GGT1: variants seen among roughly 807,000 people sequenced by gnomAD.
GGT1 encodes gamma-glutamyltransferase 1.
Under a neutral mutation model 56.0 loss-of-function variants are expected in GGT1, and 21 were observed. That is an observed-to-expected ratio of 0.38 (90% CI 0.27 to 0.54). GGT1 has a LOEUF of 0.54. GGT1 is among the 20% of genes least tolerant of loss of function. The probability of loss-of-function intolerance (pLI) is 0.82; values close to 1 mark genes in which losing one functional copy is unlikely to be tolerated. For missense variants in GGT1, 466 were observed against 787.0 expected, an observed-to-expected ratio of 0.59 and a Z score of 4.88; for synonymous variants, 238 against 342.6, an observed-to-expected ratio of 0.69 and a Z score of 3.37.
intron 1 of GGT1, among the ~76,000 whole-genome samples, chr22:24,597,424 A>G (rs1008736170): frequency 6.6e-6 from 1 of 152,220 alleles, no homozygotes; most frequent in Non-Finnish European, 1.5e-5. Flanking sequence ...CTATAATTCC[A>G]GCACTTTGGG....
At position 24,620,403 on chromosome 22, in the gene GGT1, G is replaced by A. The variant is rs1289453622; in HGVS notation, c.458G>A (p.Trp153Ter). The A allele has an allele frequency of 6.2e-7, 1 of 1,611,292 alleles. No homozygotes were observed. Residue 153 changes from tryptophan (W) to a stop codon, truncating the protein, a stop_gained, in exon 8 of 16, where the codon TGG (tryptophan) becomes TAG (stop). Transcript: ENST00000400382. LOFTEE classifies it high-confidence loss of function. The surrounding 1 kb of genome is among the most constrained non-coding windows in gnomAD (Gnocchi z 5.6). The stretch of plus-strand genomic sequence containing the variant: ...CACCAGCGGCATGGGCGGCTGCCCT[G>A]GGCTCGCCTCTTCCAGCCCAGCATC... ...LAHQRHGRLP[W>*]ARLFQPSIQL... is the part of the protein sequence containing the mutation.
rs548862841 is a variant in GGT1, at chr22:24,606,130, A to G, written c.-428-1824A>G. ...ATAATATATCATATAAATATATTATATATAGTATTATATATATAAAATTAT... is the reference window on the plus strand; with the variant it reads ...ATAATATATCATATAAATATATTATGTATAGTATTATATATATAAAATTAT... On this transcript the variant is annotated intron_variant, in intron 1 of 15. Transcript: ENST00000400382. Among the ~76,000 whole-genome samples the G allele has an allele frequency of 2.9e-3, 384 of 130,856 alleles. 19 individuals are homozygous for G. The highest frequency in any genetic ancestry group is 6.8e-3 in the South Asian group (31 of 4,560). 85.8% of individuals were successfully genotyped at this position (130,856 alleles called of 152,430 possible). A position where few individuals can be genotyped will look rare whatever the true frequency, so the allele number is the denominator to read the frequency against.
chr22:24,601,575 AG>A (rs1244960306), upstream of GGT1, among the ~76,000 whole-genome samples: 1 of 152,184 alleles, frequency 6.6e-6, no homozygotes, highest in Non-Finnish European at 1.5e-5. Flanking sequence ...GGCAGATCCC[AG>A]CCCGTTGAAA....
Position 24,620,668 on chromosome 22 carries a change from G to T in GGT1, c.575+148G>T. ...GAGATACAGACCCTTCCCACCACGT[G>T]TGGGGACACATTCTGAGCGTGGGGT... On this transcript the variant is annotated intron_variant, in intron 8 of 15. Coordinates refer to ENST00000400382, the MANE Select transcript of GGT1 (RefSeq NM_001288833.2). The surrounding 1 kb of genome is among the most constrained non-coding windows in gnomAD (Gnocchi z 5.6). The T allele has an allele frequency of 4.1e-6, 6 of 1,468,178 alleles. No homozygotes were observed. Among genetic ancestry groups the T allele is most frequent in the Non-Finnish European group, 5.4e-6 (6 of 1,108,966 alleles). 90.9% of individuals were successfully genotyped at this position (1,468,178 alleles called of 1,614,324 possible). A position where few individuals can be genotyped will look rare whatever the true frequency, so the allele number is the denominator to read the frequency against.
chr22:24,606,964 C>T (rs2046361627), intron 1 of GGT1, among the ~76,000 whole-genome samples: 1 of 150,358 alleles, frequency 6.7e-6, no homozygotes, highest in African/African-American at 2.5e-5. Flanking sequence ...AGATGAGGGC[C>T]ACAGGGGAAT....
upstream of GGT1, among the ~76,000 whole-genome samples, chr22:24,602,084 G>A (rs1385612379): frequency 6.6e-6 from 1 of 151,938 alleles, no homozygotes; most frequent in African/African-American, 2.4e-5. Context: ...GTCTTAGCTC[G>A]GCCACCTCCT....
In GGT1 at chr22:24,605,022, TC is replaced by T. The variant is rs1328897156; in HGVS notation, c.-429+1496del. On this transcript the variant is annotated intron_variant, in intron 1 of 15. Coordinates refer to ENST00000400382, the MANE Select transcript of GGT1 (RefSeq NM_001288833.2). ...CACCTGCTGCTGTGAATCCTGTATG[TC>T]ATATATATATATAAAATATGTAATA... 7.2e-3 allele frequency among the ~76,000 whole-genome samples: 524 copies of T among 72,712 alleles called. 72 individuals are homozygous for T. The highest frequency in any genetic ancestry group is 0.059 in the African/African-American group (479 of 8,104). 47.7% of individuals were successfully genotyped at this position (72,712 alleles called of 152,430 possible).
the GGT1 span, among the ~76,000 whole-genome samples, chr22:24,586,570 T>C: frequency 6.6e-6 from 1 of 152,238 alleles, no homozygotes; most frequent in African/African-American, 2.4e-5. Flanking sequence ...TCGCTCTTTT[T>C]GTCCAGGCTG....
At chr22:24,622,039 CAAA>C (rs1057143634) in intron 9 of GGT1, among the ~76,000 whole-genome samples, 1 of 105,728 alleles carries the variant, frequency 9.5e-6, no homozygotes, top group African/African-American at 3.5e-5. Context: ...GATTCCATCT[CAAA>C]AAAAAAAAAA....
chr22:24,599,750 G>A (rs1466562566), upstream of GGT1, among the ~76,000 whole-genome samples: 1 of 152,246 alleles, frequency 6.6e-6, no homozygotes, highest in Non-Finnish European at 1.5e-5. Flanking sequence ...TCGTCAGTGA[G>A]AGCATTCCTG....
chr22:24,603,958 T>G (rs1332509926), intron 1 of GGT1, among the ~76,000 whole-genome samples: 1 of 151,956 alleles, frequency 6.6e-6, no homozygotes, highest in Non-Finnish European at 1.5e-5. Flanking sequence ...TAGGGATATA[T>G]ATAGTTCTTT....
At chr22:24,590,008 AC>A, upstream of GGT1, 1 of 1,485,178 alleles carries the variant, frequency 6.7e-7, no homozygotes, top group Non-Finnish European at 9.0e-7. Context: ...TCGAGGCACC[AC>A]CCCAGCCAGC....
the GGT1 span, among the ~76,000 whole-genome samples, chr22:24,585,124 C>T: frequency 6.6e-6 from 1 of 152,164 alleles, no homozygotes; most frequent in Admixed American, 6.5e-5. Flanking sequence ...CAGAGCTGCC[C>T]CTCGCCAAGT....
chr22:24,611,271 G>T lies in GGT1; in HGVS notation c.164+26G>T, dbSNP rs770764424. On this transcript the variant is annotated intron_variant, in intron 5 of 15. Transcript: ENST00000400382. The stretch of plus-strand genomic sequence containing the variant: ...GTGAGCAGGGCAGGGCATGGGACAT[G>T]GGCCCTGAAAACTGGGCAAGTGGAC... 1.2e-5 allele frequency: 18 copies of T among 1,446,320 alleles called. No individual in the cohort carries two copies. The Middle Eastern group carries it at 9.6e-4, about 77-fold the overall frequency. The allele number at this position is 1,446,320 out of a possible 1,614,324, so 89.6% of individuals were successfully genotyped here. A position where few individuals can be genotyped will look rare whatever the true frequency, so the allele number is the denominator to read the frequency against.
chr22:24,628,546 C>T lies in GGT1; in HGVS notation c.1564-147C>T. Reference sequence around the variant, plus strand: ...TGCCATGAGGGCCAAGCCCCCTGCTCCAGTGAGACCCAGCAGGCCCCAACC... The same window carrying T: ...TGCCATGAGGGCCAAGCCCCCTGCTTCAGTGAGACCCAGCAGGCCCCAACC... On this transcript the variant is annotated intron_variant, in intron 15 of 15. Transcript: ENST00000400382. The surrounding 1 kb of genome is among the most constrained non-coding windows in gnomAD (Gnocchi z 5.7). The T allele has an allele frequency of 1.2e-6, 1 of 868,432 alleles. No individual in the cohort carries two copies. The highest frequency in any genetic ancestry group is 1.8e-6 in the Non-Finnish European group (1 of 563,366). The allele number at this position is 868,432 out of a possible 1,614,324, so 53.8% of individuals were successfully genotyped here.
At chr22:24,622,988 C>T in intron 9 of GGT1, 119 bp from the exon 10 acceptor site, 1 of 1,221,280 alleles carries the variant, frequency 8.2e-7, no homozygotes, top group South Asian at 1.4e-5. Context: ...TAGGTACAGG[C>T]TTTTCCCCAC....
the GGT1 span, chr22:24,583,773 C>A: frequency 4.2e-6 from 2 of 471,120 alleles, no homozygotes; most frequent in Non-Finnish European, 8.8e-6. Context: ...CAGAGATTGC[C>A]TGGAACACCA....
chr22:24,583,950 T>A, the GGT1 span: 1 of 360,024 alleles, frequency 2.8e-6, no homozygotes, highest in Non-Finnish European at 5.6e-6. Flanking sequence ...GGCCTGCTTA[T>A]GTGACAGGTT....
the GGT1 span, chr22:24,588,257 G>A: frequency 6.2e-7 from 1 of 1,613,584 alleles, no homozygotes; most frequent in Non-Finnish European, 8.5e-7. Flanking sequence ...CCTTGCTGCT[G>A]CTTCGAGTGA....
Sources: gnomAD v4.1 joint callset for allele counts (sites outside exome capture counted in the v4.1 genomes callset) on GRCh38, gnomAD v4.1.1 for gene constraint, Gnocchi (gnomAD v3.1) non-coding constraint, MANE v1.5 for transcripts, NCBI Gene and HGNC (gene_info 2026-07-23, HGNC 2026-07-21) for gene names.